ARAP2: variants seen among roughly 807,000 people sequenced by gnomAD.
ARAP2 encodes the protein arf-GAP with Rho-GAP domain, ANK repeat and PH domain-containing protein 2.
A neutral mutation model predicts 194.5 loss-of-function variants in ARAP2; 148 were observed. The ratio of observed to expected loss-of-function variants is 0.76; its 90% CI spans 0.67 to 0.87. The LOEUF (loss-of-function observed/expected upper bound fraction) is 0.87. Among genes scored for constraint, ARAP2 ranks in the 40% least tolerant of loss-of-function variants. The pLI, the probability that ARAP2 is intolerant of heterozygous loss-of-function variation, is 0.00. For synonymous variants in ARAP2, 695 were observed against 683.5 expected, an observed-to-expected ratio of 1.02 and a Z score of -0.26; for missense variants, 2,128 against 1,989.7, an observed-to-expected ratio of 1.07 and a Z score of -1.32.
intron 20 of ARAP2, among the ~76,000 whole-genome samples, chr4:36,129,499 C>T (rs770384065): frequency 2.0e-5 from 3 of 151,828 alleles, no homozygotes; most frequent in Non-Finnish European, 4.4e-5. Flanking sequence ...TTTCTAGATG[C>T]TTTTCGGTTT....
In ARAP2 at chr4:36,026,415, G is replaced by T. The variant is rs1577577545; in HGVS notation, n.608-7129C>A. ...ACCTTCTCCCATTGCTTGCTTTGCT[G>T]TGCTGGTTTTTTGTAGCTTCAATTC... On this transcript the variant is annotated intron_variant and non_coding_transcript_variant, in intron 5 of 12. Transcript: ENST00000503225. Among the ~76,000 whole-genome samples, 4 of 152,334 alleles carry T rather than the reference G, an allele frequency of 2.6e-5. No individual in the cohort carries two copies. In the Middle Eastern group the frequency reaches 0.014, roughly 518 times the overall value.
At chr4:36,133,459 T>C (rs377563928) in intron 19 of ARAP2, 70 bp from the exon 20 acceptor site, 1 of 1,382,514 alleles carries the variant, frequency 7.2e-7, no homozygotes. Flanking sequence ...CCAAGACAGA[T>C]TACCCTAAAA....
Position 36,159,500 on chromosome 4 carries a change from T to C in ARAP2, c.2448A>G (p.Leu816=), listed in dbSNP as rs1232945198. Residue 816 remains leucine, a synonymous_variant, in exon 14 of 33, where the codon CTA becomes CTG. Transcript: ENST00000303965. ...SLTKEELNKA[L]CAAVVKPDVL... is the part of the protein sequence containing the mutation. ...CATCCGGTTTCACTACAGCAGCACA[T>C]AGAGCCTGGTCATTAAAAGAAAATA... 9 of 1,536,758 alleles carry C rather than the reference T, an allele frequency of 5.9e-6. No individual in the cohort carries two copies. In the Middle Eastern group the frequency reaches 5.2e-4, roughly 89 times the overall value.
At position 36,114,203 on chromosome 4, in the gene ARAP2, C is replaced by G. The variant is rs376921954; in HGVS notation, c.4123G>C (p.Ala1375Pro). 10 of 1,601,514 alleles carry G rather than the reference C, an allele frequency of 6.2e-6. No individual in the cohort carries two copies. Among genetic ancestry groups the G allele is most frequent in the Non-Finnish European group, 7.7e-6 (9 of 1,170,772 alleles). ...NIIPTKGDIW[A>P]TFEVIENEEL... ...TCATTTTCAATGACTTCAAATGTGGCCCAAATATCACCTTTTGTAGGAATA... is the reference window on the plus strand; with the variant it reads ...TCATTTTCAATGACTTCAAATGTGGGCCAAATATCACCTTTTGTAGGAATA... Residue 1375 changes from alanine to proline, a missense_variant, in exon 26 of 33, where the codon GCC becomes CCC. Transcript: ENST00000303965.
chr4:36,213,359 A>G, intron 3 of ARAP2, 40 bp from the exon 4 acceptor site: 1 of 1,356,686 alleles, frequency 7.4e-7, no homozygotes, highest in Non-Finnish European at 1.0e-6. Flanking sequence ...AAAGATGTGA[A>G]TAATGTGAAA....
In ARAP2 at chr4:36,242,058, G is replaced by A. The variant is rs188182195; in HGVS notation, c.-160+2121C>T. The stretch of plus-strand genomic sequence containing the variant: ...TAAAGAAGAAACAAGTGAGCAAAAT[G>A]GTTTAACTACCATTATATATTTAAT... On this transcript the variant is annotated intron_variant, in intron 1 of 32. Coordinates refer to ENST00000303965, the MANE Select transcript of ARAP2 (RefSeq NM_015230.4). Among the ~76,000 whole-genome samples, 1,119 of 152,238 alleles carry A rather than the reference G, an allele frequency of 7.4e-3. 10 individuals are homozygous for A. Among genetic ancestry groups the A allele is most frequent in the Non-Finnish European group, 0.011 (776 of 67,990 alleles).
chr4:36,109,904 T>C (rs1719452429), intron 26 of ARAP2, among the ~76,000 whole-genome samples: 1 of 144,336 alleles, frequency 6.9e-6, no homozygotes, highest in Admixed American at 7.2e-5. Context: ...GAGATACTAT[T>C]GATCCCAATA....
chr4:36,097,079 A>G (rs1399839927), intron 27 of ARAP2, among the ~76,000 whole-genome samples: 1 of 152,130 alleles, frequency 6.6e-6, no homozygotes, highest in Non-Finnish European at 1.5e-5. Flanking sequence ...AAATAATCCT[A>G]TGTCTCGTAT....
At chr4:36,121,524 TTAAATAGATTAG>T (rs1286664913) in intron 22 of ARAP2, among the ~76,000 whole-genome samples, 198 bp from the exon 23 acceptor site, 2 of 151,780 alleles carry the variant, frequency 1.3e-5, no homozygotes, top group Non-Finnish European at 1.5e-5. Context: ...AAAAGTACTG[TTAAATAGATTAG>T]TAAAAGTTAC....
At chr4:36,155,120 C>T (rs1731942142) in intron 15 of ARAP2, among the ~76,000 whole-genome samples, 1 of 152,166 alleles carries the variant, frequency 6.6e-6, no homozygotes, top group South Asian at 2.1e-4. Flanking sequence ...AGTAACTTCC[C>T]TAAAAAATGA....
chr4:36,113,711 G>C (rs956612861), intron 26 of ARAP2, among the ~76,000 whole-genome samples: 2 of 151,608 alleles, frequency 1.3e-5, no homozygotes, highest in African/African-American at 4.8e-5. Flanking sequence ...TTCATCCCTA[G>C]GCATCTTGGA....
chr4:36,164,021 GGT>G (rs1168924716), intron 11 of ARAP2, among the ~76,000 whole-genome samples: 1 of 152,190 alleles, frequency 6.6e-6, no homozygotes, highest in African/African-American at 2.4e-5. Flanking sequence ...CTCTAGCTGA[GGT>G]AGGAACTCCT....
chr4:36,053,389 A>G (rs1055404117), intron 2 of ARAP2, among the ~76,000 whole-genome samples: 3 of 152,156 alleles, frequency 2.0e-5, no homozygotes, highest in African/African-American at 7.2e-5. Context: ...ACTGTTGCTA[A>G]ATACATGCAC....
Position 36,177,839 on chromosome 4 carries a change from G to C in ARAP2, c.1845C>G (p.Cys615Trp). ...TVLSGNSVWLCKNEQDFKSGL... is the reference protein window; with the variant it reads ...TVLSGNSVWLWKNEQDFKSGL... The stretch of plus-strand genomic sequence containing the variant: ...TAACAGAGCTCACCTGTTCGTTTTT[G>C]CAAAGCCACACACTGTTTCCACTTA... Residue 615 changes from cysteine (C) to tryptophan (W), a missense_variant, in exon 9 of 33, where the codon TGC becomes TGG. Transcript: ENST00000303965. 1 of 1,599,886 alleles carries C rather than the reference G, an allele frequency of 6.3e-7. No homozygotes were observed. The highest frequency in any genetic ancestry group is 8.5e-7 in the Non-Finnish European group (1 of 1,175,174).
intron 7 of ARAP2, among the ~76,000 whole-genome samples, chr4:36,190,741 T>C (rs1560627902): frequency 6.6e-6 from 1 of 152,132 alleles, no homozygotes; most frequent in Non-Finnish European, 1.5e-5. Context: ...GCACAGAATG[T>C]TGATGGATGG....
intron 27 of ARAP2, among the ~76,000 whole-genome samples, chr4:36,096,208 A>G (rs1715162851): frequency 1.3e-5 from 2 of 151,846 alleles, no homozygotes; most frequent in Admixed American, 1.3e-4. Flanking sequence ...TACTAAAAAT[A>G]CAAAAAATTA....
At chr4:36,194,718 C>T (rs1467925627) in intron 6 of ARAP2, among the ~76,000 whole-genome samples, 1 of 152,076 alleles carries the variant, frequency 6.6e-6, no homozygotes, top group Non-Finnish European at 1.5e-5. Context: ...TAAAATTATA[C>T]CAAATCTGAT....
chr4:36,138,267 A>G (rs1324029867), intron 19 of ARAP2, among the ~76,000 whole-genome samples: 8 of 151,728 alleles, frequency 5.3e-5, no homozygotes, highest in Admixed American at 2.6e-4. Context: ...ATGGTTTGAA[A>G]TATTTTTGCA....
intron 2 of ARAP2, among the ~76,000 whole-genome samples, chr4:36,216,185 G>A (rs1281048092): frequency 6.6e-6 from 1 of 152,058 alleles, no homozygotes; most frequent in South Asian, 2.1e-4. Context: ...CAGCCCAGGA[G>A]GTTGAGGCTG....
Sources: allele counts gnomAD v4.1 joint callset (sites outside exome capture counted in the v4.1 genomes callset), GRCh38; gene constraint gnomAD v4.1.1; transcripts MANE v1.5; gene names NCBI Gene and HGNC (gene_info 2026-07-23, HGNC 2026-07-21).